The following MICAL2 variants were observed in gnomAD, a reference collection of about 807,000 sequenced individuals.
The protein encoded by MICAL2 is microtubule associated monooxygenase, calponin and LIM domain containing 2.
MICAL2 carries 77 observed loss-of-function variants against 127.3 expected under a neutral mutation model. The ratio of observed to expected loss-of-function variants is 0.60; its 90% CI spans 0.50 to 0.73. The LOEUF (loss-of-function observed/expected upper bound fraction) is 0.73. Ranked by LOEUF, MICAL2 falls within the 30% of genes least tolerant of loss-of-function variation. MICAL2 has a pLI of 0.00. For synonymous variants in MICAL2, 570 were observed against 551.1 expected, an observed-to-expected ratio of 1.03 and a Z score of -0.48; for missense variants, 1,351 against 1,434.4, an observed-to-expected ratio of 0.94 and a Z score of 0.94.
At chr11:12,216,041 C>G (rs968364392) in intron 7 of MICAL2, among the ~76,000 whole-genome samples, 178 bp from the exon 8 acceptor site, 1 of 152,300 alleles carries the variant, frequency 6.6e-6, no homozygotes, top group Non-Finnish European at 1.5e-5. Context: ...GCTGCTTTGA[C>G]TTGGGTAGAT....
chr11:12,257,950 G>C (rs949831189), intron 24 of MICAL2, among the ~76,000 whole-genome samples: 2 of 152,110 alleles, frequency 1.3e-5, no homozygotes, highest in African/African-American at 4.8e-5. Context: ...TTTCCCACCC[G>C]CCAGGTATTC....
At chr11:12,340,555 T>C (rs1399060758) in intron 32 of MICAL2, among the ~76,000 whole-genome samples, 2 of 152,140 alleles carry the variant, frequency 1.3e-5, no homozygotes, top group East Asian at 3.9e-4. Context: ...GAGAAACTCT[T>C]ACCCACGTGG....
chr11:12,255,492 T>C (rs980578165), intron 22 of MICAL2, 151 bp from the exon 23 acceptor site: 9 of 648,426 alleles, frequency 1.4e-5, no homozygotes, highest in Non-Finnish European at 2.5e-5. Flanking sequence ...CGCGTTCTGC[T>C]CCTGGCTGGT....
rs1295492196 is a variant in MICAL2 at position 12,258,476 on chromosome 11, T to A, written c.3151T>A (p.Tyr1051Asn). The A allele has an allele frequency of 6.2e-7, 1 of 1,614,026 alleles. No individual in the cohort carries two copies. Among genetic ancestry groups the A allele is most frequent in the African/African-American group, 1.3e-5 (1 of 74,940 alleles). ...TGTGCCTCTTTTTACAGGCAAATTT[T>A]ACTGCAAGCCTCACTTCATTCACTG... ...YTFDCDEGKF[Y>N]CKPHFIHCKT... Residue 1051 changes from tyrosine (Y) to asparagine (N), a missense_variant, in exon 25 of 28, where the codon TAC becomes AAC. Physicochemically the swap from Tyr to Asn is moderately radical, Grantham distance 143. This residue lies in a region of MICAL2 where 752 missense variants were observed against 719.4 expected (regional missense o/e 1.05). Transcript: ENST00000683283.
intron 21 of MICAL2, 30 bp downstream of exon 21, chr11:12,244,142 A>G (rs931261852): frequency 3.1e-6 from 5 of 1,613,330 alleles, no homozygotes; most frequent in East Asian, 4.5e-5. Flanking sequence ...TGCTTTCCCT[A>G]TTCCCTGCAT....
chr11:12,358,004 G>A (rs1459983930), intron 34 of MICAL2, among the ~76,000 whole-genome samples: 3 of 152,134 alleles, frequency 2.0e-5, no homozygotes, highest in Non-Finnish European at 4.4e-5. Context: ...CAGAGGGAAG[G>A]TTGGGGGATT....
intron 26 of MICAL2, chr11:12,260,340 A>G (rs1262012462): frequency 2.1e-6 from 3 of 1,403,048 alleles, no homozygotes; most frequent in Non-Finnish European, 2.8e-6. Flanking sequence ...ATCAGGGTGA[A>G]CATCTACTCA....
At chr11:12,191,908 T>TG (rs1859200502) in intron 3 of MICAL2, among the ~76,000 whole-genome samples, 1 of 151,974 alleles carries the variant, frequency 6.6e-6, no homozygotes, top group Non-Finnish European at 1.5e-5. Context: ...CAGCCCTGAA[T>TG]GGTGAGAAGG....
At chr11:12,167,210 G>A (rs140974709) in intron 3 of MICAL2, among the ~76,000 whole-genome samples, 4 of 151,228 alleles carry the variant, frequency 2.6e-5, no homozygotes, top group Admixed American at 6.7e-5. Context: ...ATAAAAACTC[G>A]CAGGAAATGA....
chr11:12,182,625 T>C (rs1328273177), intron 3 of MICAL2, among the ~76,000 whole-genome samples: 1 of 152,206 alleles, frequency 6.6e-6, no homozygotes, highest in Non-Finnish European at 1.5e-5. Flanking sequence ...GTCTTTTAAA[T>C]GCACTGTGAT....
At chr11:12,277,031 C>G (rs1863728769) in intron 1 of MICAL2, among the ~76,000 whole-genome samples, 1 of 152,010 alleles carries the variant, frequency 6.6e-6, no homozygotes, top group African/African-American at 2.4e-5. Flanking sequence ...CTTAAACCAG[C>G]CACCGTTCAT....
intron 20 of MICAL2, 76 bp from the exon 21 acceptor site, chr11:12,243,911 C>T: frequency 1.3e-6 from 2 of 1,549,860 alleles, no homozygotes; most frequent in South Asian, 2.2e-5. Context: ...AGGCATGGGA[C>T]TGCATGATTG....
intron 32 of MICAL2, among the ~76,000 whole-genome samples, chr11:12,331,999 G>T (rs971727267): frequency 2.0e-5 from 3 of 152,108 alleles, no homozygotes; most frequent in Non-Finnish European, 4.4e-5. Context: ...TGTAATACAT[G>T]AATTTTGCAT....
chr11:12,136,871 C>T (rs947867386), intron 1 of MICAL2, among the ~76,000 whole-genome samples: 4 of 152,120 alleles, frequency 2.6e-5, no homozygotes, highest in African/African-American at 4.8e-5. Flanking sequence ...TAAAGAGCCC[C>T]GTGTCCCTGC....
At chr11:12,197,658 C>T (rs1054174945) in intron 3 of MICAL2, 1 of 152,194 alleles carries the variant, frequency 6.6e-6, no homozygotes, top group Non-Finnish European at 1.5e-5. Flanking sequence ...GACCCAACCG[C>T]TACCCAGAGA....
chr11:12,134,930 C>T (rs1183692901), intron 1 of MICAL2, among the ~76,000 whole-genome samples: 3 of 152,220 alleles, frequency 2.0e-5, no homozygotes, highest in Non-Finnish European at 4.4e-5. Flanking sequence ...CAGCATGTGA[C>T]CTCCAGCATC....
intron 7 of MICAL2, among the ~76,000 whole-genome samples, chr11:12,214,770 T>C (rs1590389317): frequency 6.6e-6 from 1 of 152,096 alleles, no homozygotes. Flanking sequence ...CCATGAGAGA[T>C]CATGAAAGAG....
At chr11:12,351,844 G>A (rs1006767161) in intron 33 of MICAL2, among the ~76,000 whole-genome samples, 1 of 151,580 alleles carries the variant, frequency 6.6e-6, no homozygotes, top group Non-Finnish European at 1.5e-5. Context: ...TGGCTGGAGT[G>A]CAGTGGTGTG....
chr11:12,195,739 A>C (rs557664866), intron 3 of MICAL2, among the ~76,000 whole-genome samples: 24 of 149,546 alleles, frequency 1.6e-4, no homozygotes, highest in Admixed American at 1.1e-3. Context: ...AAATAGCAAT[A>C]TATATATTTT....
Sources: allele counts gnomAD v4.1 joint callset (sites outside exome capture counted in the v4.1 genomes callset), GRCh38; gene constraint gnomAD v4.1.1; regional missense constraint gnomAD v4.1.1; transcripts MANE v1.5; gene names NCBI Gene and HGNC (gene_info 2026-07-23, HGNC 2026-07-21).